PTPRZ1: variants seen among roughly 807,000 people sequenced by gnomAD.
PTPRZ1 encodes protein tyrosine phosphatase receptor type Z1, also known as receptor-type tyrosine-protein phosphatase zeta.
Under a neutral mutation model 214.1 loss-of-function variants are expected in PTPRZ1, and 82 were observed. The observed-to-expected ratio is 0.38, with a 90% CI of 0.32 to 0.46. PTPRZ1 has a LOEUF of 0.46. PTPRZ1 is among the 20% of genes least tolerant of loss of function. The pLI is 1.00. For synonymous variants in PTPRZ1, 945 were observed against 987.9 expected, an observed-to-expected ratio of 0.96 and a Z score of 0.81; for missense variants, 2,603 against 2,748.7, an observed-to-expected ratio of 0.95 and a Z score of 1.19.
intron 1 of PTPRZ1, among the ~76,000 whole-genome samples, chr7:121,880,645 A>G (rs1415259895): frequency 1.3e-5 from 2 of 152,336 alleles, no homozygotes; most frequent in East Asian, 3.9e-4. Context: ...AGCAGAGATC[A>G]TGGTAATAAA....
intron 12 of PTPRZ1, among the ~76,000 whole-genome samples, chr7:122,017,027 T>C (rs1161560017): frequency 6.6e-6 from 1 of 152,148 alleles, no homozygotes; most frequent in Non-Finnish European, 1.5e-5. Flanking sequence ...TTGATGCTGC[T>C]ATTCTGGGGA....
At chr7:122,054,495 A>G (rs1792289371) in intron 26 of PTPRZ1, among the ~76,000 whole-genome samples, 1 of 152,056 alleles carries the variant, frequency 6.6e-6, no homozygotes, top group African/African-American at 2.4e-5. Context: ...GCGATATCCC[A>G]TCCCCCTCTT....
rs139963769 is a variant in PTPRZ1, at chr7:122,012,761, A to T, written c.3715A>T (p.Thr1239Ser). The change falls in exon 12 of 30, where the codon ACA becomes TCA. Residue 1239 changes from threonine to serine, a missense_variant. This residue lies in a region of PTPRZ1 where 1,913 missense variants were observed against 1,914.3 expected (regional missense o/e 1.00). Coordinates refer to ENST00000393386, the MANE Select transcript of PTPRZ1 (RefSeq NM_002851.3). ...SASSENMLHS[T>S]SVPVFDVSPT... ...TTCAAGTGAAAACATGCTGCACTCT[A>T]CATCTGTACCAGTTTTTGATGTGTC... 1.5e-4 allele frequency: 237 copies of T among 1,610,926 alleles called. 1 individual carries two copies. Among genetic ancestry groups the T allele is most frequent in the Middle Eastern group, 1.3e-3 (8 of 6,056 alleles).
At chr7:122,047,814 G>A (rs1792047078) in intron 23 of PTPRZ1, among the ~76,000 whole-genome samples, 1 of 151,802 alleles carries the variant, frequency 6.6e-6, no homozygotes, top group Non-Finnish European at 1.5e-5. Flanking sequence ...ACCACGCCTG[G>A]TTAATTTTTT....
intron 19 of PTPRZ1, 63 bp downstream of exon 19, chr7:122,038,952 T>C (rs1799632428): frequency 1.3e-6 from 2 of 1,572,440 alleles, no homozygotes; most frequent in Non-Finnish European, 1.7e-6. Context: ...AAATTAGTTT[T>C]AATAGAGTCA....
At chr7:122,041,507 A>G (rs1799733157) in intron 21 of PTPRZ1, among the ~76,000 whole-genome samples, 1 of 152,230 alleles carries the variant, frequency 6.6e-6, no homozygotes, top group Non-Finnish European at 1.5e-5. Context: ...ATTACATTGA[A>G]TGTATTGTCA....
chr7:121,923,877 C>T (rs1010617641), intron 1 of PTPRZ1, among the ~76,000 whole-genome samples: 3 of 151,698 alleles, frequency 2.0e-5, no homozygotes, highest in African/African-American at 7.3e-5. Context: ...TACCTGTTTG[C>T]ATATTTGTAA....
chr7:121,972,730 T>A, intron 4 of PTPRZ1, 38 bp downstream of exon 4: 1 of 1,410,544 alleles, frequency 7.1e-7, no homozygotes, highest in Non-Finnish European at 9.5e-7. Flanking sequence ...TTTTATTTTC[T>A]AAATAATTGA....
At chr7:121,907,055 A>G (rs565769529) in intron 1 of PTPRZ1, among the ~76,000 whole-genome samples, 1 of 152,130 alleles carries the variant, frequency 6.6e-6, no homozygotes, top group Non-Finnish European at 1.5e-5. Flanking sequence ...TGAATATTTT[A>G]TCTCTATTTG....
chr7:121,878,544 A>T (rs966432791), intron 1 of PTPRZ1, among the ~76,000 whole-genome samples: 7 of 152,178 alleles, frequency 4.6e-5, no homozygotes. Context: ...AATAGGTGAA[A>T]AGAGTTCAGT....
At position 121,998,603 on chromosome 7, in the gene PTPRZ1, G is replaced by A. The variant is rs544856246; in HGVS notation, c.1240+597G>A. Among the ~76,000 whole-genome samples the A allele has an allele frequency of 6.6e-4, 100 of 152,206 alleles. 1 individual carries two copies. In the South Asian group the frequency reaches 0.015, roughly 23 times the overall value. ...TTATTTGCATGTACCTTCTCTAAATGTATGGGAAAATCTTTTGATCTTAGA... is the reference window on the plus strand; with the variant it reads ...TTATTTGCATGTACCTTCTCTAAATATATGGGAAAATCTTTTGATCTTAGA... On this transcript the variant is annotated intron_variant, in intron 10 of 29. Coordinates refer to ENST00000393386, the MANE Select transcript of PTPRZ1 (RefSeq NM_002851.3).
intron 1 of PTPRZ1, among the ~76,000 whole-genome samples, chr7:121,889,487 T>C (rs1382729530): frequency 6.6e-6 from 1 of 152,194 alleles, no homozygotes; most frequent in Non-Finnish European, 1.5e-5. Flanking sequence ...GAAACATTGG[T>C]GTTTTATTTC....
At chr7:121,973,173 A>T (rs12670230) in intron 4 of PTPRZ1, among the ~76,000 whole-genome samples, 22,966 of 152,076 alleles carry the variant, frequency 0.15, 1,885 homozygotes, top group South Asian at 0.32. Flanking sequence ...CTAAATACCC[A>T]ACATTTAAAT....
intron 23 of PTPRZ1, among the ~76,000 whole-genome samples, chr7:122,047,567 T>C (rs1338926339): frequency 6.6e-6 from 1 of 152,058 alleles, no homozygotes; most frequent in Non-Finnish European, 1.5e-5. Context: ...GCTGAGGAAG[T>C]ACTCTACGGT....
At chr7:121,972,392 A>G in intron 3 of PTPRZ1, 149 bp from the exon 4 acceptor site, 2 of 731,532 alleles carry the variant, frequency 2.7e-6, no homozygotes, top group Non-Finnish European at 4.3e-6. Context: ...CAGACCTACA[A>G]AGTTTGGCTT....
chr7:121,996,357 C>T, intron 8 of PTPRZ1, 25 bp from the exon 9 acceptor site: 2 of 1,552,316 alleles, frequency 1.3e-6, no homozygotes, highest in Non-Finnish European at 1.7e-6. Flanking sequence ...GTTCTATCAA[C>T]AACTGTACTT....
At chr7:121,896,659 A>G (rs7778179) in intron 1 of PTPRZ1, among the ~76,000 whole-genome samples, 88,948 of 151,750 alleles carry the variant, frequency 0.59, 27,607 homozygotes, top group African/African-American at 0.79. Context: ...TGTAGTCCCA[A>G]CTACTGGGGA....
At chr7:121,895,834 G>A (rs916099785) in intron 1 of PTPRZ1, among the ~76,000 whole-genome samples, 2 of 152,154 alleles carry the variant, frequency 1.3e-5, no homozygotes, top group African/African-American at 4.8e-5. Flanking sequence ...TAAAAGTTTG[G>A]CTTAGCATCT....
intron 28 of PTPRZ1, 143 bp from the exon 29 acceptor site, chr7:122,059,610 T>C: frequency 1.1e-6 from 1 of 887,108 alleles, no homozygotes; most frequent in Non-Finnish European, 1.7e-6. Flanking sequence ...TAGTTCTTTG[T>C]GCAAAAAGCG....
Sources: gnomAD v4.1 joint callset for allele counts (sites outside exome capture counted in the v4.1 genomes callset) on GRCh38, gnomAD v4.1.1 for gene constraint, gnomAD v4.1.1 regional missense constraint, MANE v1.5 for transcripts, NCBI Gene and HGNC (gene_info 2026-07-23, HGNC 2026-07-21) for gene names.